The following DRC8 variants were observed in gnomAD, a reference collection of about 807,000 sequenced individuals.
DRC8 encodes dynein regulatory complex subunit 8.
chr1:245,028,224 T>C, the DRC8 span, among the ~76,000 whole-genome samples: 1 of 152,198 alleles, frequency 6.6e-6, no homozygotes, highest in African/African-American at 2.4e-5. Flanking sequence ...TGTGCTTGAA[T>C]ACTTTTTACT....
chr1:245,047,633 T>TG, the DRC8 span, among the ~76,000 whole-genome samples: 1 of 19,456 alleles, frequency 5.1e-5, no homozygotes, highest in Non-Finnish European at 2.4e-4. Flanking sequence ...AGACTCCATC[T>TG]CCAAAAAAAA....
chr1:244,972,479 G>T, the DRC8 span, among the ~76,000 whole-genome samples: 1 of 152,202 alleles, frequency 6.6e-6, no homozygotes, highest in Non-Finnish European at 1.5e-5. Context: ...ACCTAATAAT[G>T]AATCAGTCTT....
chr1:245,094,154 A>G, the DRC8 span, among the ~76,000 whole-genome samples: 3 of 152,140 alleles, frequency 2.0e-5, no homozygotes, highest in Non-Finnish European at 4.4e-5. Context: ...CTATTTTCCA[A>G]CTAGTCTTGA....
At chr1:245,087,454 T>C in the DRC8 span, 4 of 1,450,236 alleles carry the variant, frequency 2.8e-6, no homozygotes, top group South Asian at 4.6e-5. Context: ...CTATATGTGA[T>C]ATTTAATACC....
the DRC8 span, among the ~76,000 whole-genome samples, chr1:245,024,763 C>T: frequency 4.6e-5 from 7 of 152,082 alleles, no homozygotes; most frequent in East Asian, 9.7e-4. Flanking sequence ...AGGCTGGTCT[C>T]GAACCCCTGA....
chr1:245,076,289 C>G, the DRC8 span, among the ~76,000 whole-genome samples: 2 of 152,224 alleles, frequency 1.3e-5, no homozygotes, highest in African/African-American at 4.8e-5. Context: ...TCACAAAGCA[C>G]CTTCATATCT....
the DRC8 span, among the ~76,000 whole-genome samples, chr1:245,092,339 G>A: frequency 1.3e-5 from 2 of 152,200 alleles, no homozygotes; most frequent in African/African-American, 4.8e-5. Flanking sequence ...GATGGAATGT[G>A]TTTAGATCTC....
the DRC8 span, among the ~76,000 whole-genome samples, chr1:245,093,697 CAAAA>C: frequency 2.9e-5 from 2 of 68,448 alleles, no homozygotes; most frequent in Non-Finnish European, 3.2e-5. Flanking sequence ...CTCCATCTCA[CAAAA>C]AAAAAAAAAA....
At chr1:244,977,351 C>T in the DRC8 span, among the ~76,000 whole-genome samples, 1 of 152,078 alleles carries the variant, frequency 6.6e-6, no homozygotes, top group Non-Finnish European at 1.5e-5. Flanking sequence ...AGAAATGGTA[C>T]ATTGTTTTTC....
chr1:245,023,169 A>G, the DRC8 span: 1 of 152,328 alleles, frequency 6.6e-6, no homozygotes, highest in Middle Eastern at 3.4e-3. Flanking sequence ...CACGTAGCGT[A>G]ATGTTCTCAG....
the DRC8 span, among the ~76,000 whole-genome samples, chr1:245,009,467 A>T: frequency 8.3e-6 from 1 of 120,284 alleles, no homozygotes; most frequent in Non-Finnish European, 1.6e-5. Flanking sequence ...AATAATCCAA[A>T]CGATTTTTTT....
the DRC8 span, among the ~76,000 whole-genome samples, chr1:245,107,845 G>T: frequency 6.6e-6 from 1 of 152,076 alleles, no homozygotes; most frequent in African/African-American, 2.4e-5. Flanking sequence ...GTTGTGCTGG[G>T]CACAATAGTC....
At chr1:245,066,705 AGACCATCCTG>A in the DRC8 span, among the ~76,000 whole-genome samples, 1 of 152,196 alleles carries the variant, frequency 6.6e-6, no homozygotes, top group Non-Finnish European at 1.5e-5. Flanking sequence ...CAGGAGACTG[AGACCATCCTG>A]GCTAACATGG....
At chr1:245,100,814 T>A in the DRC8 span, among the ~76,000 whole-genome samples, 10 of 45,288 alleles carry the variant, frequency 2.2e-4, no homozygotes, top group African/African-American at 4.7e-4. Flanking sequence ...ATAATAATAA[T>A]AAATACTTCA....
At chr1:245,017,314 C>T in the DRC8 span, 1 of 1,600,248 alleles carries the variant, frequency 6.2e-7, no homozygotes, top group Non-Finnish European at 8.5e-7. Flanking sequence ...TCGAATAATA[C>T]AGTGGATGTG....
At chr1:244,997,602 G>A in the DRC8 span, among the ~76,000 whole-genome samples, 2 of 149,182 alleles carry the variant, frequency 1.3e-5, no homozygotes, top group African/African-American at 5.0e-5. Flanking sequence ...GGAGTGCAAT[G>A]GTGTGATCTC....
At chr1:245,036,723 G>A in the DRC8 span, among the ~76,000 whole-genome samples, 1 of 152,212 alleles carries the variant, frequency 6.6e-6, no homozygotes, top group Non-Finnish European at 1.5e-5. Flanking sequence ...TCTGCTAAGT[G>A]AAAGAAGCTG....
the DRC8 span, among the ~76,000 whole-genome samples, chr1:244,989,066 A>T: frequency 1.1e-4 from 17 of 152,134 alleles, no homozygotes; most frequent in African/African-American, 4.1e-4. Flanking sequence ...TACAATGTTA[A>T]TAAAGTAATT....
At chr1:245,090,793 T>C in the DRC8 span, among the ~76,000 whole-genome samples, 1 of 152,072 alleles carries the variant, frequency 6.6e-6, no homozygotes, top group Non-Finnish European at 1.5e-5. Flanking sequence ...TTGCCCGTGG[T>C]AGTTCCAGAC....
Sources: gnomAD v4.1 joint callset for allele counts (sites outside exome capture counted in the v4.1 genomes callset) on GRCh38, gnomAD v4.1.1 for gene constraint, MANE v1.5 for transcripts, NCBI Gene and HGNC (gene_info 2026-07-23, HGNC 2026-07-21) for gene names.